Variants in ATE1 observed in about 807,000 individuals in gnomAD.
The protein encoded by ATE1 is arginyl-tRNA--protein transferase 1.
In ATE1, 36 loss-of-function variants were observed where a neutral mutation model predicts 70.5. That is an observed-to-expected ratio of 0.51 (90% CI 0.39 to 0.67). The LOEUF (loss-of-function observed/expected upper bound fraction) is 0.67, where lower values mean the gene tolerates loss of function less well. ATE1 is among the 30% of genes least tolerant of loss of function. The pLI is 0.00. For synonymous variants in ATE1, 232 were observed against 219.3 expected (o/e 1.06, Z -0.51); for missense variants, 593 against 629.5 (o/e 0.94, Z 0.62).
intron 8 of ATE1, among the ~76,000 whole-genome samples, chr10:121,852,900 T>C (rs1218012096): frequency 1.3e-5 from 2 of 152,178 alleles, no homozygotes; most frequent in East Asian, 3.8e-4. Context: ...TTAGATAAGT[T>C]ACTTAAAAAT....
chr10:121,838,422 C>T (rs1408733014), intron 9 of ATE1, among the ~76,000 whole-genome samples: 1 of 152,072 alleles, frequency 6.6e-6, no homozygotes, highest in African/African-American at 2.4e-5. Context: ...TCCCTACACC[C>T]GAGCCCAAAA....
chr10:121,796,766 T>G (rs1272567966), intron 10 of ATE1, among the ~76,000 whole-genome samples: 1 of 152,186 alleles, frequency 6.6e-6, no homozygotes, highest in African/African-American at 2.4e-5. Flanking sequence ...CCTAGCTAAA[T>G]GCACTTCCTG....
At chr10:121,785,391 C>T (rs965607871) in intron 11 of ATE1, among the ~76,000 whole-genome samples, 27 of 152,140 alleles carry the variant, frequency 1.8e-4, no homozygotes, top group African/African-American at 6.5e-4. Context: ...TTTGAGGGTC[C>T]ATCAACACAG....
At chr10:121,813,201 G>A (rs1947394962) in intron 10 of ATE1, among the ~76,000 whole-genome samples, 1 of 152,138 alleles carries the variant, frequency 6.6e-6, no homozygotes, top group African/African-American at 2.4e-5. Flanking sequence ...TCTGAATTCT[G>A]CATCACAACC....
Position 121,743,710 on chromosome 10 carries a change from G to C in ATE1, c.1527C>G (p.Cys509Trp). 1 of 1,613,138 alleles carries C rather than the reference G, an allele frequency of 6.2e-7. No individual in the cohort carries two copies. Among genetic ancestry groups the C allele is most frequent in the Non-Finnish European group, 8.5e-7 (1 of 1,179,740 alleles). The change falls in exon 12 of 12, where the codon TGC becomes TGG. Residue 509 changes from cysteine to tryptophan, a missense_variant. Physicochemically the swap from Cys to Trp is radical, Grantham distance 215. Coordinates refer to ENST00000224652, the MANE Select transcript of ATE1 (RefSeq NM_001001976.3). ...TTCTGAACAGCAGCATCCGCTCGGA[G>C]CACTTCTGCCCCACCAGGCTGGCGT... ...LQYASLVGQKCSERMLLFRN is the reference protein window; with the variant it reads ...LQYASLVGQKWSERMLLFRN
chr10:121,866,375 C>G (rs1159782222), intron 8 of ATE1, among the ~76,000 whole-genome samples: 2 of 151,988 alleles, frequency 1.3e-5, no homozygotes, highest in Non-Finnish European at 2.9e-5. Flanking sequence ...TGTCATAAAC[C>G]CAGTAATAAA....
chr10:121,791,615 G>C (rs1403087225), intron 10 of ATE1, among the ~76,000 whole-genome samples: 1 of 152,104 alleles, frequency 6.6e-6, no homozygotes, highest in African/African-American at 2.4e-5. Flanking sequence ...ACTTATTATA[G>C]AGGTTAAAAT....
intron 9 of ATE1, among the ~76,000 whole-genome samples, chr10:121,838,853 A>G (rs547714327): frequency 3.3e-5 from 5 of 152,350 alleles, no homozygotes; most frequent in African/African-American, 1.2e-4. Context: ...ACAAAAATGA[A>G]TTAAAAAAAT....
Position 121,868,426 on chromosome 10 carries a change from G to C in ATE1, c.975+1580C>G, listed in dbSNP as rs541727258. Among the ~76,000 whole-genome samples, 4 of 152,084 alleles carry C rather than the reference G, an allele frequency of 2.6e-5. No individual in the cohort carries two copies. In the South Asian group the frequency reaches 8.3e-4, roughly 32 times the overall value. ...ACTCAAATTAATTTTTTCACTCTTT[G>C]TTTTTTGATACTTTCCATTGCTTTT... On this transcript the variant is annotated intron_variant, in intron 8 of 11. Transcript: ENST00000224652.
intron 8 of ATE1, among the ~76,000 whole-genome samples, chr10:121,845,738 T>C (rs949342191): frequency 3.9e-5 from 6 of 152,014 alleles, no homozygotes; most frequent in Non-Finnish European, 7.4e-5. Context: ...ACAGTTACAG[T>C]GGGAATTTAC....
intron 10 of ATE1, among the ~76,000 whole-genome samples, chr10:121,833,768 T>C (rs574968835): frequency 3.0e-4 from 45 of 152,254 alleles, no homozygotes; most frequent in Middle Eastern, 3.4e-3. Context: ...GCTTCTTCAA[T>C]AGGAGTAATT....
In ATE1 at chr10:121,741,682, T is replaced by G. The variant is rs1170784098; in HGVS notation, c.*1998A>C. 6.6e-6 allele frequency: 1 copy of G among 152,244 alleles called. No homozygotes were observed. Among genetic ancestry groups the G allele is most frequent in the Non-Finnish European group, 1.5e-5 (1 of 68,042 alleles). 9.4% of individuals were successfully genotyped at this position (152,244 alleles called of 1,614,324 possible). On this transcript the variant is annotated 3_prime_UTR_variant, in exon 12 of 12. Transcript: ENST00000224652. ...AGCCAAGTACCAGCCCTACCCTGCT[T>G]ATTTTTAATAATGCAGAGATTACTT...
chr10:121,849,273 TTC>T (rs966429647), intron 8 of ATE1, among the ~76,000 whole-genome samples: 1 of 152,122 alleles, frequency 6.6e-6, no homozygotes, highest in African/African-American at 2.4e-5. Context: ...AAACAATGCA[TTC>T]TGTTAACCCT....
chr10:121,842,010 G>A (rs17102668), intron 8 of ATE1, among the ~76,000 whole-genome samples: 4,980 of 152,232 alleles, frequency 0.033, 155 homozygotes, highest in African/African-American at 0.082. Flanking sequence ...AAAAGAAAAG[G>A]GTGAGGTGAG....
intron 11 of ATE1, among the ~76,000 whole-genome samples, chr10:121,761,692 C>T (rs1945045616): frequency 6.6e-6 from 1 of 152,142 alleles, no homozygotes; most frequent in African/African-American, 2.4e-5. Flanking sequence ...TCCGACCTCC[C>T]TAGCCCTGCC....
intron 1 of ATE1, chr10:121,927,030 G>T: frequency 9.1e-6 from 9 of 985,360 alleles, no homozygotes; most frequent in Non-Finnish European, 1.1e-5. Flanking sequence ...GTTTTCATGC[G>T]AATCTCGTTT....
chr10:121,905,512 C>G (rs1336042330), intron 5 of ATE1, among the ~76,000 whole-genome samples: 1 of 152,058 alleles, frequency 6.6e-6, no homozygotes, highest in Admixed American at 6.6e-5. Flanking sequence ...GATTGTTTTG[C>G]TCTACATTTA....
At chr10:121,788,842 T>C (rs1946316135) in intron 11 of ATE1, among the ~76,000 whole-genome samples, 1 of 152,188 alleles carries the variant, frequency 6.6e-6, no homozygotes, top group Non-Finnish European at 1.5e-5. Flanking sequence ...GACAAGCATG[T>C]CAACTTAATG....
chr10:121,866,098 C>G (rs377646575), intron 8 of ATE1, among the ~76,000 whole-genome samples: 12 of 152,176 alleles, frequency 7.9e-5, no homozygotes, highest in African/African-American at 2.2e-4. Flanking sequence ...AGCTTAATGG[C>G]AAAATTAAAC....
Sources: allele counts gnomAD v4.1 joint callset (sites outside exome capture counted in the v4.1 genomes callset), GRCh38; gene constraint gnomAD v4.1.1; transcripts MANE v1.5; gene names NCBI Gene and HGNC (gene_info 2026-07-23, HGNC 2026-07-21).